Variants in CSMD1 observed in about 807,000 individuals in gnomAD.
CSMD1 encodes the protein CUB and Sushi multiple domains 1.
Under a neutral mutation model 417.5 loss-of-function variants are expected in CSMD1, and 213 were observed. That is an observed-to-expected ratio of 0.51 (90% confidence interval 0.46 to 0.57). The LOEUF (loss-of-function observed/expected upper bound fraction) is 0.57. Among genes scored for constraint, CSMD1 ranks in the 20% least tolerant of loss-of-function variants. The probability of loss-of-function intolerance (pLI) is 0.00; values close to 1 mark genes in which losing one functional copy is unlikely to be tolerated. For synonymous variants in CSMD1, 2,862 were observed against 1,736.8 expected (o/e 1.65, Z -16.11); for missense variants, 6,923 against 4,529.7 (o/e 1.53, Z -15.17).
intron 4 of CSMD1, among the ~76,000 whole-genome samples, chr8:4,016,518 G>T (rs1356708631): frequency 2.6e-5 from 4 of 152,138 alleles, no homozygotes; most frequent in African/African-American, 9.7e-5. Flanking sequence ...AGGTTTTAGT[G>T]AAGGATCTGG....
chr8:4,925,439 G>C (rs1401473859), intron 1 of CSMD1, among the ~76,000 whole-genome samples: 1 of 151,202 alleles, frequency 6.6e-6, no homozygotes, highest in Non-Finnish European at 1.5e-5. Flanking sequence ...AGAACTTACT[G>C]TTAATCATTT....
At chr8:4,039,763 G>A (rs1275098241) in intron 3 of CSMD1, among the ~76,000 whole-genome samples, 1 of 152,196 alleles carries the variant, frequency 6.6e-6, no homozygotes, top group Non-Finnish European at 1.5e-5. Context: ...GGGGGAAGTC[G>A]TTGTGGCAAG....
rs568456873 is a variant in CSMD1, at chr8:3,091,642, G to C, written c.7159C>G (p.Leu2387Val). 32 of 1,610,142 alleles carry C rather than the reference G, an allele frequency of 2.0e-5. No individual in the cohort carries two copies. The South Asian group carries it at 2.9e-4, about 15-fold the overall frequency. ...VFDGSSGQSP[L>V]LVVLSGNHTE... ...TGATTCCCACTTAAGACTACTAGCA[G>C]AGGACTTTGCCCAGAAGAACCTAAG... Residue 2387 changes from leucine to valine, a missense_variant, in exon 48 of 70, where the codon CTG becomes GTG. By Grantham distance (32) the Leu-to-Val change is conservative (BLOSUM62 1). Transcript: ENST00000635120.
At chr8:3,278,856 G>T (rs979269230) in intron 26 of CSMD1, 1 of 152,174 alleles carries the variant, frequency 6.6e-6, no homozygotes, top group Non-Finnish European at 1.5e-5. Context: ...GCCAGTGAGG[G>T]GACGAATGTG....
chr8:3,245,266 C>T (rs896083466), intron 26 of CSMD1, among the ~76,000 whole-genome samples: 1 of 152,174 alleles, frequency 6.6e-6, no homozygotes, highest in Non-Finnish European at 1.5e-5. Context: ...CAGGGCACAT[C>T]CTGCCACCCT....
At chr8:3,559,341 T>C (rs989934025) in intron 10 of CSMD1, among the ~76,000 whole-genome samples, 10 of 152,248 alleles carry the variant, frequency 6.6e-5, no homozygotes, top group South Asian at 4.1e-4. Flanking sequence ...AGGCATGGTC[T>C]GAACAGAGGT....
At chr8:3,000,933 T>G (rs932004315) in intron 52 of CSMD1, among the ~76,000 whole-genome samples, 2 of 151,976 alleles carry the variant, frequency 1.3e-5, no homozygotes, top group African/African-American at 2.4e-5. Context: ...TAACAGAGCT[T>G]CCACATGGAG....
intron 15 of CSMD1, among the ~76,000 whole-genome samples, chr8:3,401,987 G>A (rs1180298427): frequency 3.3e-5 from 5 of 151,640 alleles, no homozygotes; most frequent in African/African-American, 1.2e-4. Flanking sequence ...AAATTACAGT[G>A]ATGAATTCCC....
intron 3 of CSMD1, among the ~76,000 whole-genome samples, chr8:4,273,045 G>A (rs537854772): frequency 7.9e-5 from 12 of 152,052 alleles, no homozygotes; most frequent in Admixed American, 1.3e-4. Flanking sequence ...TTAAAAATGG[G>A]GATCATTATG....
At chr8:3,498,633 T>C (rs1046520836) in intron 10 of CSMD1, among the ~76,000 whole-genome samples, 9 of 152,342 alleles carry the variant, frequency 5.9e-5, no homozygotes, top group Non-Finnish European at 1.0e-4. Flanking sequence ...ACTCCCATAA[T>C]GGGAATATTT....
intron 7 of CSMD1, among the ~76,000 whole-genome samples, chr8:3,678,799 T>A (rs1312411837): frequency 6.6e-6 from 1 of 152,162 alleles, no homozygotes; most frequent in Non-Finnish European, 1.5e-5. Context: ...AAGGTCGGGT[T>A]ACCCACAAAG....
chr8:3,530,782 G>A (rs775265624), intron 10 of CSMD1, among the ~76,000 whole-genome samples: 3 of 151,810 alleles, frequency 2.0e-5, no homozygotes, highest in Non-Finnish European at 2.9e-5. Flanking sequence ...TCCTGCCTTG[G>A]CCTCCCAAAG....
intron 2 of CSMD1, among the ~76,000 whole-genome samples, chr8:4,553,963 C>T (rs764487304): frequency 3.0e-4 from 45 of 152,256 alleles, no homozygotes; most frequent in Non-Finnish European, 5.7e-4. Context: ...TAGCCTGTCA[C>T]GCTGATGTCT....
chr8:3,617,756 T>G (rs895453040), intron 7 of CSMD1, among the ~76,000 whole-genome samples: 1 of 152,148 alleles, frequency 6.6e-6, no homozygotes, highest in African/African-American at 2.4e-5. Context: ...AATCAACCAA[T>G]TTAGGAGCAA....
intron 2 of CSMD1, among the ~76,000 whole-genome samples, chr8:4,461,993 G>A (rs956340516): frequency 6.6e-6 from 1 of 151,796 alleles, no homozygotes; most frequent in Non-Finnish European, 1.5e-5. Context: ...CGCCCACCTC[G>A]GCCTCCCAAA....
At chr8:4,762,463 A>C (rs1812175923) in intron 1 of CSMD1, among the ~76,000 whole-genome samples, 3 of 152,180 alleles carry the variant, frequency 2.0e-5, no homozygotes, top group Admixed American at 2.0e-4. Context: ...TCAGTTATTT[A>C]ACATGCTGTG....
At chr8:3,243,352 C>T (rs997464042) in intron 26 of CSMD1, among the ~76,000 whole-genome samples, 1 of 152,158 alleles carries the variant, frequency 6.6e-6, no homozygotes, top group Admixed American at 6.5e-5. Flanking sequence ...CACCACCAAA[C>T]AGGCTTTGTG....
At chr8:3,001,699 G>C (rs1807418107) in intron 52 of CSMD1, among the ~76,000 whole-genome samples, 1 of 152,148 alleles carries the variant, frequency 6.6e-6, no homozygotes, top group African/African-American at 2.4e-5. Context: ...TGAAGTTATA[G>C]AAAGAAACTT....
intron 1 of CSMD1, among the ~76,000 whole-genome samples, chr8:4,885,321 G>C (rs985970215): frequency 2.6e-5 from 4 of 151,934 alleles, no homozygotes; most frequent in Non-Finnish European, 5.9e-5. Context: ...TGGATGCCTT[G>C]TCTTTCATTT....
Sources: allele counts gnomAD v4.1 joint callset (sites outside exome capture counted in the v4.1 genomes callset), GRCh38; gene constraint gnomAD v4.1.1; transcripts MANE v1.5; gene names NCBI Gene and HGNC (gene_info 2026-07-23, HGNC 2026-07-21).